Variants in PDZD7 observed in about 807,000 individuals in gnomAD.
The protein encoded by PDZD7 is PDZ domain containing 7.
In PDZD7, 72 loss-of-function variants were observed where a neutral mutation model predicts 84.7. The ratio of observed to expected loss-of-function variants is 0.85; its 90% CI spans 0.70 to 1.03. The LOEUF (loss-of-function observed/expected upper bound fraction) is 1.03. Ranked by LOEUF, PDZD7 falls within the 50% of genes least tolerant of loss-of-function variation. The pLI is 0.00. For missense variants in PDZD7, 1,490 were observed against 1,412.9 expected (o/e 1.05, Z -0.87); for synonymous variants, 594 against 580.7 (o/e 1.02, Z -0.33).
rs369112912 is a variant in PDZD7, at chr10:101,030,224, G to T, written c.-5C>A. The stretch of plus-strand genomic sequence containing the variant: ...CACTGCGAAACCCTGCGCCATGGCG[G>T]CTGGGCTAGGGCGGCACCCTACAGG... On this transcript the variant is annotated 5_prime_UTR_variant, in exon 2 of 17. Coordinates refer to ENST00000619208, the MANE Select transcript of PDZD7 (RefSeq NM_001195263.2). 27 of 1,597,206 alleles carry T rather than the reference G, an allele frequency of 1.7e-5. No individual in the cohort carries two copies. Among genetic ancestry groups the T allele is most frequent in the African/African-American group, 2.7e-5 (2 of 74,876 alleles).
chr10:101,012,345 C>T (rs2134006454), intron 11 of PDZD7, 87 bp from the exon 12 acceptor site: 1 of 1,148,148 alleles, frequency 8.7e-7, no homozygotes, highest in South Asian at 1.3e-5. Flanking sequence ...GGTGTTTCTT[C>T]TACGCATGTA....
intron 10 of PDZD7, among the ~76,000 whole-genome samples, chr10:101,016,015 G>A (rs896787328): frequency 6.6e-6 from 1 of 152,160 alleles, no homozygotes; most frequent in Non-Finnish European, 1.5e-5. Flanking sequence ...CCCTATACCA[G>A]TCTGTTTCTT....
chr10:101,029,006 C>A (rs1937887834), intron 2 of PDZD7, among the ~76,000 whole-genome samples: 1 of 152,222 alleles, frequency 6.6e-6, no homozygotes, highest in Admixed American at 6.5e-5. Flanking sequence ...AGGAGCAGGG[C>A]CTGAACAGTC....
chr10:101,021,315 C>T (rs959249681), intron 6 of PDZD7, among the ~76,000 whole-genome samples: 5 of 152,028 alleles, frequency 3.3e-5, no homozygotes, highest in Non-Finnish European at 7.4e-5. Flanking sequence ...CTCCAGGAGC[C>T]GGAATGAGAA....
In PDZD7 at chr10:101,017,845, AAG is replaced by A. The variant is rs1491313324; in HGVS notation, c.1522+252_1522+253del. The A allele has an allele frequency of 7.0e-4, 226 of 320,710 alleles. 1 individual carries two copies. The African/African-American group carries it at 9.3e-3, about 13-fold the overall frequency. The allele number at this position is 320,710 out of a possible 1,614,324, so 19.9% of individuals were successfully genotyped here. Reference sequence around the variant, plus strand: ...AAGAAAGGAAGGAAGGAAGGAAAGAAAGAAAGAAAGAAAGAAAGAAAGAAAGA... The same window carrying A: ...AAGAAAGGAAGGAAGGAAGGAAAGAAAAAGAAAGAAAGAAAGAAAGAAAGA... On this transcript the variant is annotated intron_variant, in intron 9 of 16. Coordinates refer to ENST00000619208, the MANE Select transcript of PDZD7 (RefSeq NM_001195263.2).
In PDZD7 at chr10:101,008,126, TG is replaced by T. The variant is rs1852281040; in HGVS notation, c.*340del. The T allele has an allele frequency of 8.7e-6, 3 of 346,544 alleles. No homozygotes were observed. In the South Asian group the frequency reaches 2.5e-4, roughly 29 times the overall value. 21.5% of individuals were successfully genotyped at this position (346,544 alleles called of 1,614,324 possible). A position where few individuals can be genotyped will look rare whatever the true frequency, so the allele number is the denominator to read the frequency against. On this transcript the variant is annotated 3_prime_UTR_variant, in exon 17 of 17. Transcript: ENST00000619208. ...GGCCCTGTCTGAGAGTCTGTGTCCC[TG>T]GAGGCTTGGGCGACTCATAAGGGAC... is the stretch of plus-strand genomic sequence containing the variant.
chr10:101,010,589 C>T lies in PDZD7; in HGVS notation c.2300G>A (p.Arg767Gln). 2 of 1,512,712 alleles carry T rather than the reference C, an allele frequency of 1.3e-6. No individual in the cohort carries two copies. Among genetic ancestry groups the T allele is most frequent in the Non-Finnish European group, 1.8e-6 (2 of 1,132,176 alleles). 93.7% of individuals were successfully genotyped at this position (1,512,712 alleles called of 1,614,324 possible). A position where few individuals can be genotyped will look rare whatever the true frequency, so the allele number is the denominator to read the frequency against. Residue 767 changes from arginine (R) to glutamine (Q), a missense_variant, in exon 15 of 17, where the codon CGG (arginine) becomes CAG (glutamine). Coordinates refer to ENST00000619208, the MANE Select transcript of PDZD7 (RefSeq NM_001195263.2). ...GCGGCTACGGCTCTGAGCCCGGCCC[C>T]GGATCTGGCTCTGCGGAGGGTGCTC... ...SREHPPQSQI[R>Q]GRAQSRSRSR...
intron 9 of PDZD7, chr10:101,017,588 C>CCTGGGCAACAGGGTGA (rs1852691098): frequency 1.4e-6 from 1 of 700,906 alleles, no homozygotes; most frequent in African/African-American, 1.8e-5. Flanking sequence ...TTGAGACTAG[C>CCTGGGCAACAGGGTGA]CTGGGCAACA....
At chr10:101,013,244 CAT>C (rs970061171) in intron 11 of PDZD7, among the ~76,000 whole-genome samples, 2 of 152,242 alleles carry the variant, frequency 1.3e-5, no homozygotes, top group Non-Finnish European at 2.9e-5. Context: ...GAACCAGCCT[CAT>C]ATGTGCACAC....
Position 101,017,910 on chromosome 10 carries a change from AAGAAAAGAAAGAAAG to A in PDZD7, c.1522+174_1522+188del, listed in dbSNP as rs1327251058. 66 of 453,498 alleles carry A rather than the reference AAGAAAAGAAAGAAAG, an allele frequency of 1.5e-4. No homozygotes were observed. In the African/African-American group the frequency reaches 1.5e-3, roughly 10 times the overall value. 28.1% of individuals were successfully genotyped at this position (453,498 alleles called of 1,614,324 possible). On this transcript the variant is annotated intron_variant, in intron 9 of 16. Transcript: ENST00000619208. ...AAGAAAGAAAAGAAAGAAAGAAAGAAAGAAAAGAAAGAAAGAAAAAGAAATAGGTATTATTACCCC... is the reference window on the plus strand; with the variant it reads ...AAGAAAGAAAAGAAAGAAAGAAAGAAAAAAAGAAATAGGTATTATTACCCC...
Position 101,008,577 on chromosome 10 carries a change from G to A in PDZD7, c.2992C>T (p.Gln998Ter), listed in dbSNP as rs1852291078. ...AGCCTGGCATCAGTGGGAGGAGTCT[G>A]GGGATTGGTGGGAGGTTCTGGGAGC... ...HWLPEPPTNP[Q>*]TPPTDARLLQ... The change falls in exon 17 of 17, where the codon CAG (glutamine) becomes TAG (stop). Residue 998 changes from glutamine to a stop codon, truncating the protein, a stop_gained. Coordinates refer to ENST00000619208, the MANE Select transcript of PDZD7 (RefSeq NM_001195263.2). LOFTEE classifies it low-confidence loss of function (END_TRUNC). The A allele has an allele frequency of 6.5e-7, 1 of 1,536,000 alleles. No individual in the cohort carries two copies.
intron 11 of PDZD7, among the ~76,000 whole-genome samples, chr10:101,014,532 G>C (rs1216112994): frequency 6.6e-6 from 1 of 152,160 alleles, no homozygotes; most frequent in Non-Finnish European, 1.5e-5. Flanking sequence ...TGGGAGCTAA[G>C]GGTGACACTT....
chr10:101,025,099 A>C (rs1366289922), intron 2 of PDZD7, among the ~76,000 whole-genome samples: 2 of 152,252 alleles, frequency 1.3e-5, no homozygotes, highest in Non-Finnish European at 2.9e-5. Flanking sequence ...TCATCTGTGT[A>C]AACAGAACCT....
At position 101,007,725 on chromosome 10, in the gene PDZD7, C is replaced by G; in HGVS notation, c.*742G>C. The G allele has an allele frequency of 1.1e-6, 1 of 909,042 alleles. No individual in the cohort carries two copies. Among genetic ancestry groups the G allele is most frequent in the Non-Finnish European group, 1.3e-6 (1 of 740,772 alleles). The allele number at this position is 909,042 out of a possible 1,614,324, so 56.3% of individuals were successfully genotyped here. A position where few individuals can be genotyped will look rare whatever the true frequency, so the allele number is the denominator to read the frequency against. ...ATTTGTGTTTGTGACCAAGCAGCCT[C>G]TCCCTTCACCCAGGTTTATGGCCTC... On this transcript the variant is annotated 3_prime_UTR_variant, in exon 17 of 17. Coordinates refer to ENST00000619208, the MANE Select transcript of PDZD7 (RefSeq NM_001195263.2).
chr10:101,011,736 G>T lies in PDZD7; in HGVS notation c.1959C>A (p.Ala653=). 2 of 1,546,998 alleles carry T rather than the reference G, an allele frequency of 1.3e-6. No homozygotes were observed. Reference sequence around the variant, plus strand: ...GACGCTTGGGTGGCGTGTCCTGCCGGGCTGGTCTCAAAGCAGGAGGCCGGA... The same window carrying T: ...GACGCTTGGGTGGCGTGTCCTGCCGTGCTGGTCTCAAAGCAGGAGGCCGGA... The part of the protein sequence containing the change: ...RAVRPPALRP[A]RQDTPPKRHL... Residue 653 remains alanine, a synonymous_variant, in exon 14 of 17, where the codon GCC becomes GCA. Transcript: ENST00000619208.
intron 15 of PDZD7, among the ~76,000 whole-genome samples, chr10:101,009,599 CTTTTTTTTT>C (rs142806278): frequency 4.8e-5 from 3 of 62,280 alleles, no homozygotes; most frequent in Admixed American, 5.3e-4. Flanking sequence ...GAGACAGAGT[CTTTTTTTTT>C]TTTTTTTTTT....
At position 101,019,161 on chromosome 10, in the gene PDZD7, A is replaced by T. The variant is rs1017606929; in HGVS notation, c.985T>A (p.Ser329Thr). ...SPASESSSSV[S>T]SCASSAPYSS... Reference sequence around the variant, plus strand: ...TAGGGGGCGCTGGAGGCGCACGAAGAGACGCTGGAGCTGCTCTCAGAGGCC... The same window carrying T: ...TAGGGGGCGCTGGAGGCGCACGAAGTGACGCTGGAGCTGCTCTCAGAGGCC... Residue 329 changes from serine (S) to threonine (T), a missense_variant, in exon 8 of 17, where the codon TCT becomes ACT. Coordinates refer to ENST00000619208, the MANE Select transcript of PDZD7 (RefSeq NM_001195263.2). The T allele has an allele frequency of 1.3e-6, 2 of 1,540,008 alleles. No individual in the cohort carries two copies. The highest frequency in any genetic ancestry group is 1.7e-6 in the Non-Finnish European group (2 of 1,148,866).
intron 7 of PDZD7, among the ~76,000 whole-genome samples, chr10:101,019,551 T>TCCTCCTCCTCCTCCC: frequency 1.2e-5 from 1 of 82,402 alleles, no homozygotes; most frequent in Non-Finnish European, 2.1e-5. Flanking sequence ...TGCCTCCTCC[T>TCCTCCTCCTCCTCCC]CCTCCTCCTC....
At chr10:101,019,459 G>C (rs1479082967) in intron 7 of PDZD7, among the ~76,000 whole-genome samples, 1 of 152,126 alleles carries the variant, frequency 6.6e-6, no homozygotes, top group Non-Finnish European at 1.5e-5. Context: ...CAGATTCTCA[G>C]AGGGGAGCCC....
Sources: gnomAD v4.1 joint callset for allele counts (sites outside exome capture counted in the v4.1 genomes callset) on GRCh38, gnomAD v4.1.1 for gene constraint, MANE v1.5 for transcripts, NCBI Gene and HGNC (gene_info 2026-07-23, HGNC 2026-07-21) for gene names.